The following ZNF469 variants were observed in gnomAD, a reference collection of about 807,000 sequenced individuals.
The protein encoded by ZNF469 is zinc finger protein 469.
In ZNF469, 1 loss-of-function variant was observed where a neutral mutation model predicts 1.0. That is an observed-to-expected ratio of 1.00 (90% CI 0.35 to 4.73). ZNF469 has a LOEUF of 4.73. ZNF469 is among the 30% of genes most tolerant of loss of function. ZNF469 has a pLI of 0.16. For missense variants in ZNF469, 6,100 were observed against 5,356.3 expected (o/e 1.14, Z -4.33); for synonymous variants, 2,703 against 2,363.4 (o/e 1.14, Z -4.17).
the ZNF469 span, among the ~76,000 whole-genome samples, chr16:88,110,037 A>C: frequency 2.0e-5 from 3 of 152,240 alleles, no homozygotes; most frequent in African/African-American, 7.2e-5. Flanking sequence ...CTAGCACCAG[A>C]ATGCCTGGGC....
At chr16:88,415,082 A>G (rs930449871) in intron 1 of ZNF469, among the ~76,000 whole-genome samples, 1 of 152,208 alleles carries the variant, frequency 6.6e-6, no homozygotes, top group Non-Finnish European at 1.5e-5. Context: ...TGGCCTTGGA[A>G]AAGTCCCTTC....
chr16:88,386,260 G>A (rs1011272503), intron 1 of ZNF469, among the ~76,000 whole-genome samples: 6 of 152,120 alleles, frequency 3.9e-5, no homozygotes, highest in Non-Finnish European at 8.8e-5. Context: ...CGGTGGCCAT[G>A]CTCGGGTCCT....
chr16:88,259,014 G>A, the ZNF469 span, among the ~76,000 whole-genome samples: 1 of 152,340 alleles, frequency 6.6e-6, no homozygotes, highest in South Asian at 2.1e-4. The surrounding 1 kb of genome is among the most constrained non-coding windows in gnomAD (Gnocchi z 4.1). Context: ...TTTGTTCTCA[G>A]GGGTGACTGA....
chr16:88,235,404 G>A, the ZNF469 span, among the ~76,000 whole-genome samples: 1,493 of 152,298 alleles, frequency 9.8e-3, 12 homozygotes, highest in Non-Finnish European at 0.016. Flanking sequence ...CTGGAGCGCG[G>A]AACTGGGAGT....
the ZNF469 span, among the ~76,000 whole-genome samples, chr16:88,342,083 G>A: frequency 6.6e-6 from 1 of 151,706 alleles, no homozygotes; most frequent in Admixed American, 6.6e-5. Context: ...GGGCGGGGCT[G>A]GCTGGGGACG....
the ZNF469 span, among the ~76,000 whole-genome samples, chr16:88,231,982 A>T: frequency 6.6e-6 from 1 of 152,034 alleles, no homozygotes; most frequent in African/African-American, 2.4e-5. This position sits in a 1 kb window ranked among gnomAD's most constrained non-coding sequence, Gnocchi z 4.5. Flanking sequence ...CCCGGCCCCA[A>T]TCTCCCTGCT....
chr16:88,403,782 G>C (rs1904949668), intron 1 of ZNF469, among the ~76,000 whole-genome samples: 1 of 152,192 alleles, frequency 6.6e-6, no homozygotes, highest in Non-Finnish European at 1.5e-5. Context: ...ATCCTCCCTA[G>C]AGGCCAAGCC....
At chr16:88,167,560 C>T in the ZNF469 span, among the ~76,000 whole-genome samples, 1 of 152,204 alleles carries the variant, frequency 6.6e-6, no homozygotes, top group Non-Finnish European at 1.5e-5. Context: ...GCACTGGACG[C>T]CTGCAAGTTG....
chr16:88,395,140 A>G (rs1007417810), intron 1 of ZNF469, among the ~76,000 whole-genome samples: 8 of 152,196 alleles, frequency 5.3e-5, no homozygotes, highest in Non-Finnish European at 1.0e-4. Context: ...AGTTGAAGCC[A>G]GGAGGAACTT....
chr16:88,401,526 G>T (rs369859171), intron 1 of ZNF469, among the ~76,000 whole-genome samples: 2 of 63,404 alleles, frequency 3.2e-5, no homozygotes, highest in Non-Finnish European at 3.6e-5. Flanking sequence ...TGGATGGATG[G>T]ATGGATGCAT....
At chr16:88,411,326 G>T (rs927433894) in intron 1 of ZNF469, among the ~76,000 whole-genome samples, 1 of 152,138 alleles carries the variant, frequency 6.6e-6, no homozygotes. Context: ...CTGGGCCGAG[G>T]CCTCCAGAGC....
chr16:88,410,829 T>G (rs1426354938), intron 1 of ZNF469, among the ~76,000 whole-genome samples: 1 of 152,156 alleles, frequency 6.6e-6, no homozygotes, highest in Non-Finnish European at 1.5e-5. Flanking sequence ...TGGTGAAGTT[T>G]GCAGTGAAGC....
At chr16:88,406,110 G>A (rs1195032911) in intron 1 of ZNF469, among the ~76,000 whole-genome samples, 4 of 152,240 alleles carry the variant, frequency 2.6e-5, no homozygotes, top group Non-Finnish European at 4.4e-5. Flanking sequence ...ACGCCACCAC[G>A]AGCCACCGTG....
chr16:88,309,789 C>T, the ZNF469 span, among the ~76,000 whole-genome samples: 1 of 152,092 alleles, frequency 6.6e-6, no homozygotes, highest in Admixed American at 6.5e-5. Context: ...GTGTGGTTCA[C>T]TCTCCTCAAA....
At chr16:88,221,093 T>A in the ZNF469 span, among the ~76,000 whole-genome samples, 53 of 152,016 alleles carry the variant, frequency 3.5e-4, no homozygotes, top group African/African-American at 1.1e-3. Flanking sequence ...CTGCTCCTAC[T>A]CGGTGTCACT....
the ZNF469 span, among the ~76,000 whole-genome samples, chr16:88,128,182 G>A: frequency 6.6e-6 from 1 of 152,090 alleles, no homozygotes; most frequent in Non-Finnish European, 1.5e-5. Flanking sequence ...CTGAGCCGCT[G>A]AGGATGGGTG....
the ZNF469 span, among the ~76,000 whole-genome samples, chr16:88,104,502 C>T: frequency 6.6e-5 from 10 of 152,198 alleles, no homozygotes; most frequent in African/African-American, 1.7e-4. Context: ...CCCAGCCTCT[C>T]GCTGACCCCG....
chr16:88,178,864 C>CTG, the ZNF469 span: 7 of 145,112 alleles, frequency 4.8e-5, no homozygotes, highest in Non-Finnish European at 7.7e-5. Context: ...CACCTGGAGG[C>CTG]CGCCTTCACC....
chr16:88,280,627 C>G, the ZNF469 span, among the ~76,000 whole-genome samples: 2 of 151,046 alleles, frequency 1.3e-5, no homozygotes, highest in Non-Finnish European at 2.9e-5. Context: ...TGGTCAGTAC[C>G]ATGTAGATAT....
Sources: gnomAD v4.1 joint callset for allele counts (sites outside exome capture counted in the v4.1 genomes callset) on GRCh38, gnomAD v4.1.1 for gene constraint, Gnocchi (gnomAD v3.1) non-coding constraint, MANE v1.5 for transcripts, NCBI Gene and HGNC (gene_info 2026-07-23, HGNC 2026-07-21) for gene names.